ITGB5: variants seen among roughly 807,000 people sequenced by gnomAD.
ITGB5 encodes integrin beta-5.
ITGB5 carries 38 observed loss-of-function variants against 84.8 expected under a neutral mutation model. The observed-to-expected ratio is 0.45, with a 90% CI of 0.35 to 0.59. The LOEUF is 0.59. ITGB5 is among the 20% of genes least tolerant of loss of function. The pLI is 0.01. For synonymous variants in ITGB5, 393 were observed against 414.4 expected, an observed-to-expected ratio of 0.95 and a Z score of 0.63; for missense variants, 905 against 1,034.5, an observed-to-expected ratio of 0.87 and a Z score of 1.72.
intron 1 of ITGB5, among the ~76,000 whole-genome samples, chr3:124,877,522 T>C (rs115159484): frequency 0.013 from 1,970 of 152,330 alleles, 58 homozygotes; most frequent in African/African-American, 0.043. Context: ...AAAATCATTT[T>C]CATAAAATCA....
At chr3:124,894,162 T>C (rs1351040770) in intron 1 of ITGB5, among the ~76,000 whole-genome samples, 1 of 132,950 alleles carries the variant, frequency 7.5e-6, no homozygotes, top group Non-Finnish European at 1.6e-5. Context: ...TGAGACAGAG[T>C]CTCGCTGTCA....
At chr3:124,885,231 C>T (rs1369418685) in intron 1 of ITGB5, among the ~76,000 whole-genome samples, 1 of 152,016 alleles carries the variant, frequency 6.6e-6, no homozygotes, top group Non-Finnish European at 1.5e-5. Flanking sequence ...GATGGCACCA[C>T]TGCACTCCAG....
chr3:124,891,292 A>G (rs1934996341), upstream of ITGB5, among the ~76,000 whole-genome samples: 1 of 152,200 alleles, frequency 6.6e-6, no homozygotes, highest in Non-Finnish European at 1.5e-5. Flanking sequence ...CATTATTCAC[A>G]ATAGCTAAAA....
At chr3:124,776,123 T>A (rs983949972) in intron 10 of ITGB5, among the ~76,000 whole-genome samples, 1 of 147,416 alleles carries the variant, frequency 6.8e-6, no homozygotes, top group Non-Finnish European at 1.5e-5. Flanking sequence ...GATGCGGGCG[T>A]GTGAGGGGTA....
At chr3:124,887,655 GC>G, upstream of ITGB5, 1 of 447,752 alleles carries the variant, frequency 2.2e-6, no homozygotes, top group Non-Finnish European at 4.5e-6. Context: ...TTGCTTAGCC[GC>G]CCGTCGCCAC....
At chr3:124,839,712 T>C (rs377110509) in intron 5 of ITGB5, among the ~76,000 whole-genome samples, 1 of 152,344 alleles carries the variant, frequency 6.6e-6, no homozygotes, top group Admixed American at 6.5e-5. Context: ...AAAAATATAA[T>C]TTTTCTTTCT....
intron 5 of ITGB5, among the ~76,000 whole-genome samples, chr3:124,840,976 T>G (rs1424208091): frequency 1.3e-5 from 2 of 152,184 alleles, no homozygotes; most frequent in Non-Finnish European, 1.5e-5. Flanking sequence ...ACACAATTCT[T>G]TTTCAACTGG....
chr3:124,898,184 G>A (rs567721864), intron 1 of ITGB5, among the ~76,000 whole-genome samples: 22 of 149,962 alleles, frequency 1.5e-4, no homozygotes, highest in Admixed American at 2.0e-4. Flanking sequence ...GAGGTCCATT[G>A]TCCAAATATC....
intron 3 of ITGB5, among the ~76,000 whole-genome samples, chr3:124,858,999 T>C (rs532577753): frequency 6.6e-6 from 1 of 152,236 alleles, no homozygotes; most frequent in Non-Finnish European, 1.5e-5. Context: ...GTAAATGTTA[T>C]GTATATTTCA....
intron 5 of ITGB5, among the ~76,000 whole-genome samples, chr3:124,831,510 C>T (rs528251959): frequency 1.3e-5 from 2 of 152,278 alleles, no homozygotes; most frequent in Admixed American, 6.5e-5. Flanking sequence ...GGGGAAGGCC[C>T]AGACCACCAA....
At chr3:124,863,761 G>A (rs1319949641) in intron 2 of ITGB5, among the ~76,000 whole-genome samples, 3 of 152,002 alleles carry the variant, frequency 2.0e-5, no homozygotes, top group Admixed American at 6.6e-5. Context: ...TCAGATGATC[G>A]CCATGGCCGC....
rs1316228137 is a variant in ITGB5 at position 124,887,271 on chromosome 3, TC to T, written c.-272del. On this transcript the variant is annotated 5_prime_UTR_variant, in exon 1 of 15. Coordinates refer to ENST00000296181, the MANE Select transcript of ITGB5 (RefSeq NM_002213.5). The stretch of plus-strand genomic sequence containing the variant: ...GCTCGGGACGGCCCCAGCGGGCTGC[TC>T]CGGGTAGGGGAGGGGCTGGCTCCGC... 6.6e-6 allele frequency: 1 copy of T among 151,976 alleles called. No individual in the cohort carries two copies. The highest frequency in any genetic ancestry group is 1.5e-5 in the Non-Finnish European group (1 of 68,132). The allele number at this position is 151,976 out of a possible 1,614,324, so 9.4% of individuals were successfully genotyped here.
chr3:124,887,693 A>C (rs1246715347), upstream of ITGB5: 1 of 453,338 alleles, frequency 2.2e-6, no homozygotes, highest in Non-Finnish European at 4.4e-6. Flanking sequence ...ACGCTGTATT[A>C]GGCGAGCCGA....
In ITGB5 at chr3:124,846,771, T is replaced by C. The variant is rs535567945; in HGVS notation, c.611+1538A>G. 5.9e-5 allele frequency among the ~76,000 whole-genome samples: 9 copies of C among 152,178 alleles called. No homozygotes were observed. The East Asian group carries it at 1.7e-3, about 29-fold the overall frequency. ...CAACATGGTGAAACCCCATCTCTAC[T>C]AAAAATACAAAAATCAGCCAGGTGT... is the stretch of plus-strand genomic sequence containing the variant. On this transcript the variant is annotated intron_variant, in intron 4 of 14. Coordinates refer to ENST00000296181, the MANE Select transcript of ITGB5 (RefSeq NM_002213.5).
At chr3:124,828,163 T>C (rs1465343791) in intron 5 of ITGB5, among the ~76,000 whole-genome samples, 1 of 152,100 alleles carries the variant, frequency 6.6e-6, no homozygotes, top group Non-Finnish European at 1.5e-5. Context: ...AGACCTACCA[T>C]ATGACCCAAC....
At chr3:124,868,046 A>G (rs1415008108) in intron 2 of ITGB5, among the ~76,000 whole-genome samples, 2 of 152,246 alleles carry the variant, frequency 1.3e-5, no homozygotes, top group South Asian at 2.1e-4. Context: ...TGATAGTTTC[A>G]TAAGGGGCTC....
chr3:124,901,399 G>A (rs1437950032), exon 1 of ITGB5: 1 of 151,766 alleles, frequency 6.6e-6, no homozygotes, highest in Admixed American at 6.6e-5. Flanking sequence ...TCGATAAAAA[G>A]AAATAATAAA....
chr3:124,861,405 T>G (rs2065295596), intron 2 of ITGB5, among the ~76,000 whole-genome samples: 1 of 150,004 alleles, frequency 6.7e-6, no homozygotes, highest in Non-Finnish European at 1.5e-5. Context: ...AGCTCCGGGC[T>G]GCAGTGGGCT....
intron 5 of ITGB5, among the ~76,000 whole-genome samples, chr3:124,833,516 AT>A (rs1401078320): frequency 2.6e-5 from 4 of 152,250 alleles, no homozygotes; most frequent in Non-Finnish European, 5.9e-5. Context: ...GCCACTGAGC[AT>A]TTATTGGACA....
Sources: allele counts gnomAD v4.1 joint callset (sites outside exome capture counted in the v4.1 genomes callset), GRCh38; gene constraint gnomAD v4.1.1; transcripts MANE v1.5; gene names NCBI Gene and HGNC (gene_info 2026-07-23, HGNC 2026-07-21).